SMG8: variants seen among roughly 807,000 people sequenced by gnomAD.
The protein encoded by SMG8 is SMG8 nonsense mediated mRNA decay factor.
In SMG8, 49 loss-of-function variants were observed where a neutral mutation model predicts 82.1. That is an observed-to-expected ratio of 0.60 (90% confidence interval 0.47 to 0.76). SMG8 has a LOEUF of 0.76. SMG8 is among the 30% of genes least tolerant of loss of function. The pLI, the probability that SMG8 is intolerant of heterozygous loss-of-function variation, is 0.00. For missense variants in SMG8, 969 were observed against 1,166.4 expected, an observed-to-expected ratio of 0.83 and a Z score of 2.46; for synonymous variants, 404 against 430.0, an observed-to-expected ratio of 0.94 and a Z score of 0.75.
rs1671192812 is a variant in SMG8 at position 59,212,356 on chromosome 17, C to T, written c.1775C>T (p.Ala592Val). ...TATTTTCCAGGAGAAAAACCAGAGG[C>T]TGATAGAAATCCGCCTGTGCTATAT... Reference protein sequence around the residue: ...SLPKSGEKPEADRNPPVLYHN... With the variant: ...SLPKSGEKPEVDRNPPVLYHN... The change falls in exon 2 of 4, where the codon GCT (alanine) becomes GTT (valine). Residue 592 changes from alanine to valine, a missense_variant. Physicochemically the swap from Ala to Val is moderately conservative, Grantham distance 64. Around this residue, in one of 3 missense-constraint regions of SMG8, gnomAD observed 662 missense variants for 884.8 expected, o/e 0.75. Coordinates refer to ENST00000300917, the MANE Select transcript of SMG8 (RefSeq NM_018149.7). 1 of 1,566,356 alleles carries T rather than the reference C, an allele frequency of 6.4e-7. No homozygotes were observed. Among genetic ancestry groups the T allele is most frequent in the Non-Finnish European group, 8.7e-7 (1 of 1,147,388 alleles).
chr17:59,214,429 T>C (rs1281364279), intron 3 of SMG8, among the ~76,000 whole-genome samples: 1 of 152,212 alleles, frequency 6.6e-6, no homozygotes, highest in Non-Finnish European at 1.5e-5. Context: ...GTTTGTTTTT[T>C]TGAGACAGTC....
rs1316890054 is a variant in SMG8, at chr17:59,212,765, A to G, written c.1942A>G (p.Ile648Val). ...EEKCCGKLDHINFPVFEPSTP... is the reference protein window; with the variant it reads ...EEKCCGKLDHVNFPVFEPSTP... ...AAAGTGTTGTGGAAAATTGGATCAT[A>G]TCAATTTCCCAGTATTTGAACCAAG... The change falls in exon 3 of 4, where the codon ATC becomes GTC. Residue 648 changes from isoleucine to valine, a missense_variant. Physicochemically the swap from Ile to Val is conservative, Grantham distance 29. This residue lies in a region of SMG8 where 662 missense variants were observed against 884.8 expected (regional missense o/e 0.75). Coordinates refer to ENST00000300917, the MANE Select transcript of SMG8 (RefSeq NM_018149.7). The G allele has an allele frequency of 1.5e-5, 24 of 1,609,836 alleles. No homozygotes were observed. Among genetic ancestry groups the G allele is most frequent in the Non-Finnish European group, 2.0e-5 (24 of 1,179,082 alleles).
rs2046947779 is a variant in SMG8, at chr17:59,211,992, T to G, written c.1759+182T>G. ...GAAAATATCAGCTATGACTACTTTCTTATTTTTTTTCATTTAAAGGATACG... is the reference window on the plus strand; with the variant it reads ...GAAAATATCAGCTATGACTACTTTCGTATTTTTTTTCATTTAAAGGATACG... On this transcript the variant is annotated intron_variant, in intron 1 of 3. Coordinates refer to ENST00000300917, the MANE Select transcript of SMG8 (RefSeq NM_018149.7). 5 of 517,506 alleles carry G rather than the reference T, an allele frequency of 9.7e-6. No individual in the cohort carries two copies. The East Asian group carries it at 1.6e-4, about 17-fold the overall frequency. The allele number at this position is 517,506 out of a possible 1,614,324, so 32.1% of individuals were successfully genotyped here.
chr17:59,214,676 G>A lies in SMG8; in HGVS notation c.2779-129G>A, dbSNP rs144206956. On this transcript the variant is annotated intron_variant, in intron 3 of 3. Coordinates refer to ENST00000300917, the MANE Select transcript of SMG8 (RefSeq NM_018149.7). Reference sequence around the variant, plus strand: ...CCTGCCTCAGCCTCCCAAAGTGCTGGAATTACAGGCGTGAGCCACCAGGTC... The same window carrying A: ...CCTGCCTCAGCCTCCCAAAGTGCTGAAATTACAGGCGTGAGCCACCAGGTC... The A allele has an allele frequency of 7.1e-3, 4,483 of 631,246 alleles. 20 individuals carry two copies. The highest frequency in any genetic ancestry group is 0.03 in the Middle Eastern group (111 of 3,686). The allele number at this position is 631,246 out of a possible 1,614,324, so 39.1% of individuals were successfully genotyped here.
Position 59,213,574 on chromosome 17 carries a change from T to A in SMG8, c.2751T>A (p.Ala917=). Residue 917 remains alanine, a synonymous_variant, in exon 3 of 4, where the codon GCT becomes GCA. Coordinates refer to ENST00000300917, the MANE Select transcript of SMG8 (RefSeq NM_018149.7). ...LMRLFVVVPD[A]PLQIILMPQV... ...GGCTTTTTGTTGTGGTTCCTGATGC[T>A]CCTTTGCAGATAATACTAATGCCTC... 1 of 1,612,564 alleles carries A rather than the reference T, an allele frequency of 6.2e-7. No homozygotes were observed. Among genetic ancestry groups the A allele is most frequent in the Non-Finnish European group, 8.5e-7 (1 of 1,179,500 alleles).
At position 59,213,313 on chromosome 17, in the gene SMG8, G is replaced by A. The variant is rs201839267; in HGVS notation, c.2490G>A (p.Ala830=). 9.9e-6 allele frequency: 16 copies of A among 1,614,192 alleles called. No homozygotes were observed. In the East Asian group the frequency reaches 1.8e-4, roughly 18 times the overall value. ...PNKAIPGKRS[A]VVMGRGRRRD... ...AAGCTATTCCTGGAAAGAGAAGTGC[G>A]GTTGTAATGGGAAGAGGAAGACGGC... The change falls in exon 3 of 4, where the codon GCG becomes GCA. Residue 830 remains alanine (A), a synonymous_variant. Coordinates refer to ENST00000300917, the MANE Select transcript of SMG8 (RefSeq NM_018149.7).
In SMG8 at chr17:59,211,279, C is replaced by T. The variant is rs780394612; in HGVS notation, c.1228C>T (p.Leu410Phe). 14 of 1,613,884 alleles carry T rather than the reference C, an allele frequency of 8.7e-6. No homozygotes were observed. The Admixed American group carries it at 1.7e-4, about 19-fold the overall frequency. Residue 410 changes from leucine to phenylalanine, a missense_variant, in exon 1 of 4, where the codon CTT becomes TTT. Physicochemically the swap from Leu to Phe is conservative, Grantham distance 22. Around this residue, in one of 3 missense-constraint regions of SMG8, gnomAD observed 662 missense variants for 884.8 expected, o/e 0.75. Transcript: ENST00000300917. ...SSSGQLVDFT[L>F]REFLWQHVEL... is the part of the protein sequence containing the mutation. ...TTCAGGCCAGCTAGTGGATTTCACTCTTCGGGAATTCCTATGGCAGCATGT... is the reference window on the plus strand; with the variant it reads ...TTCAGGCCAGCTAGTGGATTTCACTTTTCGGGAATTCCTATGGCAGCATGT...
At position 59,210,366 on chromosome 17, in the gene SMG8, C is replaced by T. The variant is rs1049954887; in HGVS notation, c.315C>T (p.Ala105=). The T allele has an allele frequency of 6.2e-7, 1 of 1,611,296 alleles. No homozygotes were observed. The highest frequency in any genetic ancestry group is 1.3e-5 in the African/African-American group (1 of 74,958). The change falls in exon 1 of 4, where the codon GCC becomes GCT. Residue 105 remains alanine (A), a synonymous_variant. Coordinates refer to ENST00000300917, the MANE Select transcript of SMG8 (RefSeq NM_018149.7). The part of the protein sequence containing the change: ...EAGAVGEAGG[A]EDPGAAAGGS... The stretch of plus-strand genomic sequence containing the variant: ...GCGCCGTGGGTGAGGCCGGTGGAGC[C>T]GAGGACCCTGGGGCTGCAGCCGGGG...
Position 59,212,498 on chromosome 17 carries a change from A to C in SMG8, c.1905+12A>C. On this transcript the variant is annotated intron_variant, in intron 2 of 3. Transcript: ENST00000300917. ...ATGACTTCTATCAGGTAGACTCTGA[A>C]TTTTTTCTTCTTCCTCTTCTGTCTT... 1 of 1,586,794 alleles carries C rather than the reference A, an allele frequency of 6.3e-7. No individual in the cohort carries two copies. The highest frequency in any genetic ancestry group is 8.6e-7 in the Non-Finnish European group (1 of 1,162,262).
chr17:59,212,206 T>C, intron 1 of SMG8, 135 bp from the exon 2 acceptor site: 1 of 646,822 alleles, frequency 1.5e-6, no homozygotes, highest in South Asian at 3.9e-5. Flanking sequence ...ATAAAGTATT[T>C]TATATACTTT....
intron 3 of SMG8, 76 bp from the exon 4 acceptor site, chr17:59,214,729 G>A (rs1274981890): frequency 4.7e-5 from 38 of 808,790 alleles, no homozygotes; most frequent in Middle Eastern, 2.3e-4. Flanking sequence ...TGAACCTATC[G>A]TCTGTTTAGG....
rs778776608 is a variant in SMG8 at position 59,212,806 on chromosome 17, T to C, written c.1983T>C (p.Ala661=). 1.9e-6 allele frequency: 3 copies of C among 1,614,092 alleles called. No homozygotes were observed. The highest frequency in any genetic ancestry group is 2.5e-6 in the Non-Finnish European group (3 of 1,180,014). The change falls in exon 3 of 4, where the codon GCT becomes GCC. Residue 661 remains alanine (A), a synonymous_variant. Transcript: ENST00000300917. ...TTGAACCAAGTACTCCAGATCCTGC[T>C]CCTGCTAAAAATGAATCCTCTCCTG... ...PVFEPSTPDP[A]PAKNESSPAP... is the part of the protein sequence containing the mutation.
Position 59,211,546 on chromosome 17 carries a change from C to G in SMG8, c.1495C>G (p.Arg499Gly). The change falls in exon 1 of 4, where the codon CGA becomes GGA. Residue 499 changes from arginine to glycine, a missense_variant. By Grantham distance (125) the Arg-to-Gly change is moderately radical. Around this residue, in one of 3 missense-constraint regions of SMG8, gnomAD observed 662 missense variants for 884.8 expected, o/e 0.75. Transcript: ENST00000300917. ...TATTGACACAAAATTCTCAGAAAACCGATGCCAAAAAGCTTTACCCATGGC... is the reference window on the plus strand; with the variant it reads ...TATTGACACAAAATTCTCAGAAAACGGATGCCAAAAAGCTTTACCCATGGC... The part of the protein sequence containing the change: ...LDIDTKFSEN[R>G]CQKALPMAHS... The G allele has an allele frequency of 6.2e-7, 1 of 1,613,966 alleles. No homozygotes were observed.
In SMG8 at chr17:59,212,766, T is replaced by C. The variant is rs1848835722; in HGVS notation, c.1943T>C (p.Ile648Thr). Residue 648 changes from isoleucine (I) to threonine (T), a missense_variant, in exon 3 of 4, where the codon ATC becomes ACC. Transcript: ENST00000300917. ...AAGTGTTGTGGAAAATTGGATCATA[T>C]CAATTTCCCAGTATTTGAACCAAGT... The part of the protein sequence containing the change: ...EEKCCGKLDH[I>T]NFPVFEPSTP... 1.2e-6 allele frequency: 2 copies of C among 1,609,836 alleles called. No individual in the cohort carries two copies. Among genetic ancestry groups the C allele is most frequent in the Admixed American group, 1.7e-5 (1 of 58,736 alleles).
chr17:59,212,891 A>G lies in SMG8; in HGVS notation c.2068A>G (p.Ser690Gly), dbSNP rs981847656. 2 of 1,614,102 alleles carry G rather than the reference A, an allele frequency of 1.2e-6. No homozygotes were observed. Among genetic ancestry groups the G allele is most frequent in the Non-Finnish European group, 1.7e-6 (2 of 1,180,034 alleles). Residue 690 changes from serine to glycine, a missense_variant, in exon 3 of 4, where the codon AGC (serine) becomes GGC (glycine). Ser to Gly is a moderately conservative substitution (Grantham distance 56, BLOSUM62 0). Coordinates refer to ENST00000300917, the MANE Select transcript of SMG8 (RefSeq NM_018149.7). ...AAAAGAACCTCAAACCCAAGGAGAG[A>G]GCACGAGCCTGAGTTTAGCTTTGAG... ...KEKEPQTQGE[S>G]TSLSLALSLG...
chr17:59,212,234 A>T, intron 1 of SMG8, 107 bp from the exon 2 acceptor site: 1 of 773,976 alleles, frequency 1.3e-6, no homozygotes. Flanking sequence ...TTCTTCTGTT[A>T]TGTGTATTTA....
intron 2 of SMG8, 101 bp from the exon 3 acceptor site, chr17:59,212,628 T>C: frequency 6.8e-7 from 1 of 1,464,804 alleles, no homozygotes; most frequent in Non-Finnish European, 9.2e-7. Flanking sequence ...AAATTCTTTA[T>C]GTGTACATAT....
Position 59,210,128 on chromosome 17 carries a change from C to A in SMG8, c.77C>A (p.Ser26Tyr). 1 of 1,586,072 alleles carries A rather than the reference C, an allele frequency of 6.3e-7. No homozygotes were observed. Among genetic ancestry groups the A allele is most frequent in the South Asian group, 1.2e-5 (1 of 86,438 alleles). Residue 26 changes from serine (S) to tyrosine (Y), a missense_variant, in exon 1 of 4, where the codon TCC becomes TAC. This residue lies in a region of SMG8 where 206 missense variants were observed against 190.5 expected (regional missense o/e 1.08). Coordinates refer to ENST00000300917, the MANE Select transcript of SMG8 (RefSeq NM_018149.7). Reference sequence around the variant, plus strand: ...ATGGGCTCTGAAAGTCCCGGAGGGTCCCCTACTGAGGGCGGAGGGAGCGCG... The same window carrying A: ...ATGGGCTCTGAAAGTCCCGGAGGGTACCCTACTGAGGGCGGAGGGAGCGCG... ...AWMGSESPGGSPTEGGGSAAG... is the reference protein window; with the variant it reads ...AWMGSESPGGYPTEGGGSAAG...
In SMG8 at chr17:59,212,982, C is replaced by G. The variant is rs1437834503; in HGVS notation, c.2159C>G (p.Pro720Arg). 1.7e-5 allele frequency: 28 copies of G among 1,613,992 alleles called. No homozygotes were observed. Among genetic ancestry groups the G allele is most frequent in the Non-Finnish European group, 2.4e-5 (28 of 1,180,038 alleles). ...GATCCACAAGCAGGAGGAGATAATC[C>G]AGAAGTTCATGGTCAAGTAGAAGTG... The part of the protein sequence containing the change: ...PADPQAGGDN[P>R]EVHGQVEVKT... The change falls in exon 3 of 4, where the codon CCA (proline) becomes CGA (arginine). Residue 720 changes from proline to arginine, a missense_variant. Transcript: ENST00000300917.
Sources: allele counts gnomAD v4.1 joint callset (sites outside exome capture counted in the v4.1 genomes callset), GRCh38; gene constraint gnomAD v4.1.1; regional missense constraint gnomAD v4.1.1; transcripts MANE v1.5; gene names NCBI Gene and HGNC (gene_info 2026-07-23, HGNC 2026-07-21).